ANKRD36: variants seen among roughly 807,000 people sequenced by gnomAD.
ANKRD36 encodes ankyrin repeat domain 36, also known as ankyrin repeat domain-containing protein 36A.
A neutral mutation model predicts 278.1 loss-of-function variants in ANKRD36; 179 were observed. That is an observed-to-expected ratio of 0.64 (90% CI 0.57 to 0.73). The LOEUF is 0.73. ANKRD36 is among the 30% of genes least tolerant of loss of function. ANKRD36 has a pLI of 0.00. For missense variants in ANKRD36, 1,159 were observed against 1,956.7 expected, an observed-to-expected ratio of 0.59 and a Z score of 7.69; for synonymous variants, 320 against 641.1, an observed-to-expected ratio of 0.50 and a Z score of 7.57.
Position 97,211,765 on chromosome 2 carries a change from A to G in ANKRD36, c.3469+24A>G, listed in dbSNP as rs79579535. On this transcript the variant is annotated intron_variant, in intron 58 of 75. Transcript: ENST00000420699. Reference sequence around the variant, plus strand: ...AGGTAATTTTGCAAACACATTTAATATGATGTTCGGTCAGGGTAGAAGAGA... The same window carrying G: ...AGGTAATTTTGCAAACACATTTAATGTGATGTTCGGTCAGGGTAGAAGAGA... 8,493 of 1,557,944 alleles carry G rather than the reference A, an allele frequency of 5.5e-3. 832 individuals are homozygous for G. The East Asian group carries it at 0.13, about 23-fold the overall frequency.
At chr2:97,115,513 A>G (rs892860752) in intron 1 of ANKRD36, among the ~76,000 whole-genome samples, 11 of 152,214 alleles carry the variant, frequency 7.2e-5, no homozygotes, top group African/African-American at 2.7e-4. Context: ...TTCTTCAAAT[A>G]AACAAGAACT....
intron 42 of ANKRD36, among the ~76,000 whole-genome samples, chr2:97,197,403 A>G (rs1251804802): frequency 1.3e-5 from 2 of 151,950 alleles, no homozygotes; most frequent in African/African-American, 4.8e-5. Flanking sequence ...GAAGGAAACC[A>G]TTCTGGGATT....
intron 70 of ANKRD36, among the ~76,000 whole-genome samples, 167 bp downstream of exon 70, chr2:97,244,196 G>C (rs2075089010): frequency 6.7e-6 from 1 of 148,284 alleles, no homozygotes; most frequent in South Asian, 2.1e-4. Context: ...AATAAACCTT[G>C]AAATATTTTA....
intron 72 of ANKRD36, chr2:97,248,307 A>G (rs1409744485): frequency 8.8e-6 from 1 of 114,190 alleles, no homozygotes; most frequent in Non-Finnish European, 1.5e-5. Flanking sequence ...GGGGTTATAG[A>G]AGGTCAGCAA....
chr2:97,120,665 A>T (rs897351773), intron 3 of ANKRD36, among the ~76,000 whole-genome samples: 1 of 152,044 alleles, frequency 6.6e-6, no homozygotes, highest in Non-Finnish European at 1.5e-5. Flanking sequence ...TTTTTATTGT[A>T]TTCTTGGGCC....
chr2:97,142,986 CG>C (rs1383886805), intron 8 of ANKRD36, among the ~76,000 whole-genome samples, 151 bp downstream of exon 8: 1 of 140,584 alleles, frequency 7.1e-6, no homozygotes, highest in Non-Finnish European at 1.6e-5. Context: ...CGGGTGACGC[CG>C]ATGCTACTGG....
chr2:97,192,736 AG>A (rs1353201256), intron 36 of ANKRD36, 121 bp from the exon 37 acceptor site: 5 of 1,343,306 alleles, frequency 3.7e-6, no homozygotes, highest in Non-Finnish European at 5.2e-6. Flanking sequence ...TAAAAGTAGA[AG>A]CCATCAAAGC....
At chr2:97,133,559 T>A (rs1480651792) in intron 6 of ANKRD36, among the ~76,000 whole-genome samples, 10 of 152,110 alleles carry the variant, frequency 6.6e-5, no homozygotes, top group East Asian at 1.9e-4. Flanking sequence ...TTATGAAATT[T>A]AAAAAATCAA....
intron 34 of ANKRD36, among the ~76,000 whole-genome samples, chr2:97,190,774 G>A (rs2058350623): frequency 6.6e-6 from 1 of 151,652 alleles, no homozygotes; most frequent in South Asian, 2.1e-4. Context: ...GTTTGAAACT[G>A]TAAGGATATA....
At chr2:97,200,210 G>T in intron 44 of ANKRD36, 124 bp from the exon 45 acceptor site, 1 of 1,564,356 alleles carries the variant, frequency 6.4e-7, no homozygotes, top group East Asian at 2.3e-5. Context: ...ACACAAAGTA[G>T]AAGCCATCAA....
In ANKRD36 at chr2:97,196,637, T is replaced by A. The variant is rs778552322; in HGVS notation, c.2580+16T>A. Reference sequence around the variant, plus strand: ...AACCTTGAAGGTAATGAAACTCCCATTTATCATGTGAACGAGTTAATGTAT... The same window carrying A: ...AACCTTGAAGGTAATGAAACTCCCAATTATCATGTGAACGAGTTAATGTAT... On this transcript the variant is annotated intron_variant, in intron 41 of 75. Coordinates refer to ENST00000420699, the MANE Select transcript of ANKRD36 (RefSeq NM_001354587.1). The A allele has an allele frequency of 4.6e-5, 74 of 1,603,828 alleles. No individual in the cohort carries two copies. Among genetic ancestry groups the A allele is most frequent in the Non-Finnish European group, 5.9e-5 (69 of 1,178,506 alleles).
At chr2:97,156,306 G>T (rs2047416812) in intron 15 of ANKRD36, among the ~76,000 whole-genome samples, 1 of 144,760 alleles carries the variant, frequency 6.9e-6, no homozygotes, top group South Asian at 2.1e-4. Context: ...TGCCATGCTG[G>T]TGCGCTGCAC....
intron 62 of ANKRD36, among the ~76,000 whole-genome samples, chr2:97,216,280 T>C (rs990117117): frequency 2.0e-5 from 3 of 151,872 alleles, no homozygotes; most frequent in African/African-American, 7.2e-5. Context: ...GTAAAATAGC[T>C]ATTGGATGAA....
At chr2:97,140,330 C>A (rs1334277186) in intron 6 of ANKRD36, among the ~76,000 whole-genome samples, 6 of 151,780 alleles carry the variant, frequency 4.0e-5, no homozygotes, top group African/African-American at 1.2e-4. Flanking sequence ...TGTTCAATAA[C>A]ATTTCAGAAC....
rs1461672311 is a variant in ANKRD36 at position 97,141,655 on chromosome 2, A to T, written c.800-985A>T. Among the ~76,000 whole-genome samples the T allele has an allele frequency of 2.2e-5, 3 of 139,426 alleles. 1 individual carries two copies. The South Asian group carries it at 7.4e-4, about 35-fold the overall frequency. 91.5% of individuals were successfully genotyped at this position (139,426 alleles called of 152,430 possible). A position where few individuals can be genotyped will look rare whatever the true frequency, so the allele number is the denominator to read the frequency against. ...AATCAGAGACATAGATTTTGTTGAT[A>T]TTAGTTATTCAAATGAAATAAACAT... On this transcript the variant is annotated intron_variant, in intron 6 of 75. Transcript: ENST00000420699.
intron 8 of ANKRD36, 151 bp from the exon 9 acceptor site, chr2:97,144,367 C>T (rs2043707041): frequency 8.7e-7 from 1 of 1,155,434 alleles, no homozygotes; most frequent in Non-Finnish European, 1.2e-6. Context: ...GTAATTCTGT[C>T]ATGTTCCTGT....
At chr2:97,207,186 A>ACTAGTG (rs1325263537) in intron 52 of ANKRD36, among the ~76,000 whole-genome samples, 2 of 151,590 alleles carry the variant, frequency 1.3e-5, no homozygotes, top group Non-Finnish European at 3.0e-5. Context: ...GGAAGGCTAA[A>ACTAGTG]CTAGTGGATA....
At position 97,124,467 on chromosome 2, in the gene ANKRD36, C is replaced by A. The variant is rs1187650994; in HGVS notation, c.601C>A (p.Leu201Ile). The change falls in exon 5 of 76, where the codon CTC becomes ATC. Residue 201 changes from leucine (L) to isoleucine (I), a missense_variant. Coordinates refer to ENST00000420699, the MANE Select transcript of ANKRD36 (RefSeq NM_001354587.1). ...NAIDYLGRSA[L>I]IHAVTLGEKD... Reference sequence around the variant, plus strand: ...ACCTCTCTGTTATTTTAGATCAGCCCTCATACATGCTGTTACTCTTGGAGA... The same window carrying A: ...ACCTCTCTGTTATTTTAGATCAGCCATCATACATGCTGTTACTCTTGGAGA... The A allele has an allele frequency of 6.5e-7, 1 of 1,548,634 alleles. No individual in the cohort carries two copies. The highest frequency in any genetic ancestry group is 1.2e-5 in the South Asian group (1 of 83,452).
At chr2:97,241,000 T>G (rs2074272696) in intron 68 of ANKRD36, among the ~76,000 whole-genome samples, 4 of 144,978 alleles carry the variant, frequency 2.8e-5, no homozygotes, top group Non-Finnish European at 4.5e-5. Context: ...TTTTTTTTTT[T>G]TTTTTTTTTT....
Sources: gnomAD v4.1 joint callset for allele counts (sites outside exome capture counted in the v4.1 genomes callset) on GRCh38, gnomAD v4.1.1 for gene constraint, MANE v1.5 for transcripts, NCBI Gene and HGNC (gene_info 2026-07-23, HGNC 2026-07-21) for gene names.